TMEM248: variants seen among roughly 807,000 people sequenced by gnomAD.
TMEM248 encodes the protein transmembrane protein 248.
In TMEM248, 9 loss-of-function variants were observed where a neutral mutation model predicts 30.3. The ratio of observed to expected loss-of-function variants is 0.30; its 90% CI spans 0.18 to 0.52. TMEM248 has a LOEUF of 0.52. TMEM248 is among the 20% of genes least tolerant of loss of function. The pLI is 0.97. For synonymous variants in TMEM248, 184 were observed against 154.4 expected (o/e 1.19, Z -1.42); for missense variants, 338 against 403.3 (o/e 0.84, Z 1.39).
Position 66,956,371 on chromosome 7 carries a change from A to T in TMEM248, c.*849A>T, listed in dbSNP as rs1792402947. The T allele has an allele frequency of 6.6e-6, 1 of 152,180 alleles. No individual in the cohort carries two copies. Among genetic ancestry groups the T allele is most frequent in the Admixed American group, 6.5e-5 (1 of 15,278 alleles). The allele number at this position is 152,180 out of a possible 1,614,324, so 9.4% of individuals were successfully genotyped here. ...CCTCTTCACTCAAAAGGGCTTCAAA[A>T]TGTAAATGGCTCTAGAGTTAGAGTG... On this transcript the variant is annotated 3_prime_UTR_variant, in exon 7 of 7. Transcript: ENST00000341567.
Position 66,931,969 on chromosome 7 carries a change from T to C in TMEM248, c.-18-9879T>C, listed in dbSNP as rs1791679682. On this transcript the variant is annotated intron_variant, in intron 1 of 6. Coordinates refer to ENST00000341567, the MANE Select transcript of TMEM248 (RefSeq NM_017994.5). ...ACAGGCGCCCGCCACCACACCTGGC[T>C]AATTTTTTGTACTTTTAGTAGAGAC... Among the ~76,000 whole-genome samples, 3 of 151,606 alleles carry C rather than the reference T, an allele frequency of 2.0e-5. No homozygotes were observed. The South Asian group carries it at 6.3e-4, about 32-fold the overall frequency.
At chr7:66,943,767 C>G (rs1165867394) in intron 2 of TMEM248, among the ~76,000 whole-genome samples, 1 of 151,082 alleles carries the variant, frequency 6.6e-6, no homozygotes, top group African/African-American at 2.4e-5. Context: ...GGTAGACTTA[C>G]TGGGCTGGGT....
chr7:66,924,678 T>G (rs1047622647), intron 1 of TMEM248, among the ~76,000 whole-genome samples: 3 of 152,086 alleles, frequency 2.0e-5, no homozygotes, highest in Non-Finnish European at 4.4e-5. Flanking sequence ...GTGCTGGGAT[T>G]ACAGGCATGA....
intron 1 of TMEM248, among the ~76,000 whole-genome samples, chr7:66,926,241 C>A (rs908266824): frequency 2.6e-5 from 4 of 152,136 alleles, no homozygotes; most frequent in African/African-American, 7.2e-5. Context: ...AAGCTACTTG[C>A]AAACCATACG....
At chr7:66,923,206 C>G (rs994996148) in intron 1 of TMEM248, among the ~76,000 whole-genome samples, 1 of 150,120 alleles carries the variant, frequency 6.7e-6, no homozygotes, top group African/African-American at 2.5e-5. Flanking sequence ...AGTGCAGTGG[C>G]GCGAAGTTAG....
rs1480730738 is a variant in TMEM248 at position 66,921,299 on chromosome 7, G to A, written c.-181G>A. 6.6e-6 allele frequency: 1 copy of A among 150,912 alleles called. No individual in the cohort carries two copies. The highest frequency in any genetic ancestry group is 6.6e-5 in the Admixed American group (1 of 15,198). The allele number at this position is 150,912 out of a possible 1,614,324, so 9.3% of individuals were successfully genotyped here. A position where few individuals can be genotyped will look rare whatever the true frequency, so the allele number is the denominator to read the frequency against. ...CCGGTTGGCGTCTGGTCTTCGCGTC[G>A]GCCCCGCGGAGCCAGACGCTGCCCC... On this transcript the variant is annotated 5_prime_UTR_variant, in exon 1 of 7. Transcript: ENST00000341567.
chr7:66,932,763 G>A (rs960994037), intron 1 of TMEM248, among the ~76,000 whole-genome samples: 1 of 151,086 alleles, frequency 6.6e-6, no homozygotes, highest in African/African-American at 2.4e-5. Context: ...CAGTCCACCC[G>A]CCTCAGCCTC....
At chr7:66,942,095 A>G in intron 2 of TMEM248, 71 bp downstream of exon 2, 1 of 1,498,866 alleles carries the variant, frequency 6.7e-7, no homozygotes, top group East Asian at 2.3e-5. Context: ...GTGGCTTGCC[A>G]TATAGCTTTC....
intron 1 of TMEM248, among the ~76,000 whole-genome samples, chr7:66,938,661 C>T (rs1791866458): frequency 6.6e-6 from 1 of 152,158 alleles, no homozygotes; most frequent in African/African-American, 2.4e-5. Flanking sequence ...GCACATGCCA[C>T]CATGCCCAGC....
chr7:66,924,648 G>A (rs977859279), intron 1 of TMEM248, among the ~76,000 whole-genome samples: 2 of 151,612 alleles, frequency 1.3e-5, no homozygotes, highest in Admixed American at 6.6e-5. Flanking sequence ...CAGGTGGTCC[G>A]CCCACTGCGG....
chr7:66,933,209 A>G (rs1343011830), intron 1 of TMEM248, among the ~76,000 whole-genome samples: 2 of 152,168 alleles, frequency 1.3e-5, no homozygotes, highest in Admixed American at 6.6e-5. Context: ...TCTGTTGCTC[A>G]GGCTAGAGTG....
rs1792439478 is a variant in TMEM248 at position 66,957,876 on chromosome 7, A to G, written c.*2354A>G. 6.6e-6 allele frequency: 1 copy of G among 152,278 alleles called. No homozygotes were observed. The highest frequency in any genetic ancestry group is 2.1e-4 in the South Asian group (1 of 4,832). The allele number at this position is 152,278 out of a possible 1,614,324, so 9.4% of individuals were successfully genotyped here. A position where few individuals can be genotyped will look rare whatever the true frequency, so the allele number is the denominator to read the frequency against. On this transcript the variant is annotated 3_prime_UTR_variant, in exon 7 of 7. Coordinates refer to ENST00000341567, the MANE Select transcript of TMEM248 (RefSeq NM_017994.5). ...GCCAGGACACACACTTTAAAATCCA[A>G]CATTCACCTAAGCAAGTAATTCTTA...
chr7:66,929,325 G>A (rs1215412507), intron 1 of TMEM248, among the ~76,000 whole-genome samples: 1 of 151,948 alleles, frequency 6.6e-6, no homozygotes, highest in Admixed American at 6.6e-5. Context: ...CAAAAAGTAG[G>A]CAATGACGGT....
intron 3 of TMEM248, 116 bp downstream of exon 3, chr7:66,945,377 C>CT (rs979826847): frequency 2.5e-4 from 293 of 1,175,940 alleles, no homozygotes; most frequent in Non-Finnish European, 2.8e-4. Context: ...TTGCGCGTGT[C>CT]TTTTTTTTGT....
rs1424475606 is a variant in TMEM248, at chr7:66,957,225, T to G, written c.*1703T>G. 2.0e-5 allele frequency: 3 copies of G among 152,076 alleles called. No individual in the cohort carries two copies. Among genetic ancestry groups the G allele is most frequent in the Non-Finnish European group, 2.9e-5 (2 of 67,946 alleles). The allele number at this position is 152,076 out of a possible 1,614,324, so 9.4% of individuals were successfully genotyped here. A position where few individuals can be genotyped will look rare whatever the true frequency, so the allele number is the denominator to read the frequency against. ...GTGCTTCCTTTCCTTAACTCTAGGT[T>G]TGTAGTCTGTTTTAAATTAGGATTA... On this transcript the variant is annotated 3_prime_UTR_variant, in exon 7 of 7. Coordinates refer to ENST00000341567, the MANE Select transcript of TMEM248 (RefSeq NM_017994.5).
Position 66,925,249 on chromosome 7 carries a change from G to T in TMEM248, c.-19+3788G>T, listed in dbSNP as rs181325683. ...TTGCTCAGGCTGGTCTCAAACTCCT[G>T]GGCACAAGTGATCCTCCCATCTTGG... On this transcript the variant is annotated intron_variant, in intron 1 of 6. Coordinates refer to ENST00000341567, the MANE Select transcript of TMEM248 (RefSeq NM_017994.5). Among the ~76,000 whole-genome samples, 524 of 152,046 alleles carry T rather than the reference G, an allele frequency of 3.4e-3. 3 individuals carry two copies. Among genetic ancestry groups the T allele is most frequent in the African/African-American group, 0.012 (496 of 41,454 alleles).
chr7:66,948,160 C>T (rs1334593234), intron 3 of TMEM248, among the ~76,000 whole-genome samples: 2 of 152,210 alleles, frequency 1.3e-5, no homozygotes, highest in Non-Finnish European at 2.9e-5. Flanking sequence ...TGCACTTCTT[C>T]AGTCATGTTC....
chr7:66,931,772 C>T (rs964532141), intron 1 of TMEM248, among the ~76,000 whole-genome samples: 4 of 149,420 alleles, frequency 2.7e-5, no homozygotes, highest in South Asian at 4.3e-4. Flanking sequence ...GTTATTGTGC[C>T]CAACCAGGAG....
At chr7:66,934,376 T>C (rs1791747941) in intron 1 of TMEM248, among the ~76,000 whole-genome samples, 2 of 152,116 alleles carry the variant, frequency 1.3e-5, no homozygotes, top group Non-Finnish European at 2.9e-5. Flanking sequence ...AATTTTTGTA[T>C]TTTTAGTAGA....
Sources: gnomAD v4.1 joint callset for allele counts (sites outside exome capture counted in the v4.1 genomes callset) on GRCh38, gnomAD v4.1.1 for gene constraint, MANE v1.5 for transcripts, NCBI Gene and HGNC (gene_info 2026-07-23, HGNC 2026-07-21) for gene names.